Variants in KLHL29 observed in about 807,000 individuals in gnomAD.
The protein encoded by KLHL29 is kelch like family member 29, also known as kelch-like protein 29.
In KLHL29, 21 loss-of-function variants were observed where a neutral mutation model predicts 80.4. The observed-to-expected ratio is 0.26, with a 90% confidence interval of 0.19 to 0.38. The LOEUF (loss-of-function observed/expected upper bound fraction) is 0.38, where lower values mean the gene tolerates loss of function less well. Ranked by LOEUF, KLHL29 falls within the 10% of genes least tolerant of loss-of-function variation. The pLI is 1.00. For synonymous variants in KLHL29, 511 were observed against 526.8 expected (o/e 0.97, Z 0.41); for missense variants, 867 against 1,223.9 (o/e 0.71, Z 4.35).
At chr2:23,505,991 C>T (rs1479637629) in intron 2 of KLHL29, among the ~76,000 whole-genome samples, 2 of 152,190 alleles carry the variant, frequency 1.3e-5, no homozygotes, top group East Asian at 1.9e-4. Context: ...CAGCCTCCCC[C>T]GATCATGCAG....
Position 23,647,606 on chromosome 2 carries a change from A to T in KLHL29, c.940+4756A>T, listed in dbSNP as rs1255596381. On this transcript the variant is annotated intron_variant, in intron 5 of 13. Transcript: ENST00000486442. This position sits in a 1 kb window ranked among gnomAD's most constrained non-coding sequence, Gnocchi z 4.9. ...GGCCTGCACACTGGCCTCCCAGCCCACAGTGCATTCCTTCCAGTCTGGCTC... is the reference window on the plus strand; with the variant it reads ...GGCCTGCACACTGGCCTCCCAGCCCTCAGTGCATTCCTTCCAGTCTGGCTC... 1.3e-5 allele frequency among the ~76,000 whole-genome samples: 2 copies of T among 152,122 alleles called. No homozygotes were observed. Among genetic ancestry groups the T allele is most frequent in the Admixed American group, 1.3e-4 (2 of 15,278 alleles).
At chr2:23,460,564 A>G (rs970166695) in intron 1 of KLHL29, among the ~76,000 whole-genome samples, 1 of 152,140 alleles carries the variant, frequency 6.6e-6, no homozygotes, top group African/African-American at 2.4e-5. Context: ...TAATATGTGC[A>G]TGTGGTAACT....
chr2:23,586,743 T>TGCTTGA (rs1449590363), intron 3 of KLHL29, among the ~76,000 whole-genome samples: 1 of 152,180 alleles, frequency 6.6e-6, no homozygotes, highest in Non-Finnish European at 1.5e-5. Flanking sequence ...GAAGCCCTTG[T>TGCTTGA]GCTTGAGCTT....
chr2:23,489,786 G>A lies in KLHL29; in HGVS notation c.-46+14119G>A, dbSNP rs573261992. On this transcript the variant is annotated intron_variant, in intron 2 of 13. Transcript: ENST00000486442. ...GCACCTCACAGTGAAACTTGCATGC[G>A]TGGAGTCTGGTCAGGGAGCTGGGTG... 6.6e-5 allele frequency among the ~76,000 whole-genome samples: 10 copies of A among 152,126 alleles called. No homozygotes were observed. The South Asian group carries it at 1.0e-3, about 16-fold the overall frequency.
intron 1 of KLHL29, among the ~76,000 whole-genome samples, chr2:23,445,904 T>C (rs1293953024): frequency 6.6e-6 from 1 of 152,264 alleles, no homozygotes; most frequent in African/African-American, 2.4e-5. Flanking sequence ...CTATAAACTG[T>C]GTACATCTTT....
intron 11 of KLHL29, among the ~76,000 whole-genome samples, chr2:23,701,094 G>A (rs1023563071): frequency 6.6e-6 from 1 of 152,128 alleles, no homozygotes; most frequent in African/African-American, 2.4e-5. Context: ...TTCCTGTGAA[G>A]AAAACTGAAA....
At chr2:23,485,534 C>G (rs1012994648) in intron 2 of KLHL29, among the ~76,000 whole-genome samples, 1 of 152,314 alleles carries the variant, frequency 6.6e-6, no homozygotes, top group Middle Eastern at 3.4e-3. Flanking sequence ...CAAGCATAGT[C>G]CATGGCCCAG....
chr2:23,706,748 C>T lies in KLHL29; in HGVS notation c.*84C>T, dbSNP rs1672750362. 1 of 960,706 alleles carries T rather than the reference C, an allele frequency of 1.0e-6. No homozygotes were observed. The allele number at this position is 960,706 out of a possible 1,614,324, so 59.5% of individuals were successfully genotyped here. ...AATGATAATTTTCCAGCGACACCAA[C>T]AAGAGGCCAACAAAACACAATCAAG... is the stretch of plus-strand genomic sequence containing the variant. On this transcript the variant is annotated 3_prime_UTR_variant, in exon 14 of 14. Transcript: ENST00000486442.
At chr2:23,549,629 AG>A (rs572052037) in intron 2 of KLHL29, among the ~76,000 whole-genome samples, 9 of 152,214 alleles carry the variant, frequency 5.9e-5, no homozygotes, top group Non-Finnish European at 1.2e-4. Flanking sequence ...TGGGCAAAAC[AG>A]GGCTCAGTGG....
At position 23,696,609 on chromosome 2, in the gene KLHL29, G is replaced by A. The variant is rs896064316; in HGVS notation, c.2105+96G>A. On this transcript the variant is annotated intron_variant, in intron 11 of 13. Transcript: ENST00000486442. The surrounding 1 kb of genome is among the most constrained non-coding windows in gnomAD (Gnocchi z 5.5). ...TACCTCCCAACACCCACTCAGTGGC[G>A]ATGGAGCAGAGCCTGGACCATTCAT... The A allele has an allele frequency of 1.2e-5, 12 of 985,792 alleles. No individual in the cohort carries two copies. The highest frequency in any genetic ancestry group is 7.9e-5 in the East Asian group (3 of 37,826). The allele number at this position is 985,792 out of a possible 1,614,324, so 61.1% of individuals were successfully genotyped here.
At chr2:23,403,711 A>AAGAGAG (rs370645378) in intron 1 of KLHL29, among the ~76,000 whole-genome samples, 37 of 140,142 alleles carry the variant, frequency 2.6e-4, no homozygotes, top group South Asian at 7.7e-4. Context: ...ATGAAACCCA[A>AAGAGAG]AGAGAGAGAG....
rs559091148 is a variant in KLHL29, at chr2:23,550,488, G to C, written c.-45-11664G>C. Among the ~76,000 whole-genome samples the C allele has an allele frequency of 6.6e-5, 10 of 152,290 alleles. No homozygotes were observed. In the South Asian group the frequency reaches 2.1e-3, roughly 32 times the overall value. On this transcript the variant is annotated intron_variant, in intron 2 of 13. Coordinates refer to ENST00000486442, the MANE Select transcript of KLHL29 (RefSeq NM_052920.2). ...TGGCTGTCGGTTTTGCATTCACTCC[G>C]GACAGGGATGTTAATGTCCCCGGCC...
chr2:23,524,267 CG>C, intron 2 of KLHL29: 1 of 256,162 alleles, frequency 3.9e-6, no homozygotes, highest in South Asian at 4.2e-5. Context: ...AAACCCAGAG[CG>C]GGCAGGCAGG....
rs1667461132 is a variant in KLHL29, at chr2:23,562,119, T to G, written c.-45-33T>G. Reference sequence around the variant, plus strand: ...CAGTTGTCGCTGCCTGCTCCAGTCCTAAATCACCCTTCTCTCCACCCTGTC... The same window carrying G: ...CAGTTGTCGCTGCCTGCTCCAGTCCGAAATCACCCTTCTCTCCACCCTGTC... On this transcript the variant is annotated intron_variant, in intron 2 of 13. Transcript: ENST00000486442. This position sits in a 1 kb window ranked among gnomAD's most constrained non-coding sequence, Gnocchi z 4.5. 6.6e-7 allele frequency: 1 copy of G among 1,524,040 alleles called. No individual in the cohort carries two copies. The highest frequency in any genetic ancestry group is 8.8e-7 in the Non-Finnish European group (1 of 1,131,326). The allele number at this position is 1,524,040 out of a possible 1,614,324, so 94.4% of individuals were successfully genotyped here. A position where few individuals can be genotyped will look rare whatever the true frequency, so the allele number is the denominator to read the frequency against.
intron 2 of KLHL29, among the ~76,000 whole-genome samples, chr2:23,492,892 G>A (rs976667428): frequency 3.3e-5 from 5 of 152,126 alleles, no homozygotes; most frequent in Non-Finnish European, 7.3e-5. Flanking sequence ...CTACGATGCA[G>A]CCCACAGGAA....
At chr2:23,693,922 T>C (rs1671780866) in intron 8 of KLHL29, among the ~76,000 whole-genome samples, 1 of 152,180 alleles carries the variant, frequency 6.6e-6, no homozygotes, top group African/African-American at 2.4e-5. Context: ...AGTGAGGTCC[T>C]GAGGGGACTG....
At chr2:23,420,417 C>A (rs768965547) in intron 1 of KLHL29, among the ~76,000 whole-genome samples, 3 of 152,150 alleles carry the variant, frequency 2.0e-5, no homozygotes, top group Non-Finnish European at 4.4e-5. Context: ...GCTTGTTTTA[C>A]GGGAGGCGGA....
At chr2:23,523,629 A>AC (rs1666180732) in intron 2 of KLHL29, among the ~76,000 whole-genome samples, 1 of 151,804 alleles carries the variant, frequency 6.6e-6, no homozygotes, top group Admixed American at 6.6e-5. Context: ...CATGGCTTTT[A>AC]CCCCCTCATA....
intron 1 of KLHL29, among the ~76,000 whole-genome samples, chr2:23,405,959 C>T (rs1468529734): frequency 6.6e-6 from 1 of 152,146 alleles, no homozygotes; most frequent in African/African-American, 2.4e-5. Flanking sequence ...TAATGTGGAA[C>T]AGGTTTTGGT....
Sources: allele counts gnomAD v4.1 joint callset (sites outside exome capture counted in the v4.1 genomes callset), GRCh38; gene constraint gnomAD v4.1.1; non-coding constraint Gnocchi (gnomAD v3.1); transcripts MANE v1.5; gene names NCBI Gene and HGNC (gene_info 2026-07-23, HGNC 2026-07-21).